The following MAPK8IP2 variants were observed in gnomAD, a reference collection of about 807,000 sequenced individuals.
The protein encoded by MAPK8IP2 is mitogen-activated protein kinase 8 interacting protein 2.
A neutral mutation model predicts 75.6 loss-of-function variants in MAPK8IP2; 15 were observed. The ratio of observed to expected loss-of-function variants is 0.20; its 90% confidence interval spans 0.13 to 0.31. The LOEUF (loss-of-function observed/expected upper bound fraction) is 0.31. MAPK8IP2 is among the 10% of genes least tolerant of loss of function. The pLI, the probability that MAPK8IP2 is intolerant of heterozygous loss-of-function variation, is 1.00. For missense variants in MAPK8IP2, 1,089 were observed against 1,211.2 expected, an observed-to-expected ratio of 0.90 and a Z score of 1.50; for synonymous variants, 632 against 554.5, an observed-to-expected ratio of 1.14 and a Z score of -1.96.
Position 50,600,794 on chromosome 22 carries a change from C to T in MAPK8IP2, c.-25C>T. On this transcript the variant is annotated 5_prime_UTR_variant, in exon 1 of 12. Coordinates refer to ENST00000329492, the MANE Select transcript of MAPK8IP2 (RefSeq NM_012324.6). ...GGCGAGGCTCCCGCACCCCCCGCCG[C>T]AGTCGCGGGCCTCTCCCGGAGAAGA... 2 of 1,208,700 alleles carry T rather than the reference C, an allele frequency of 1.7e-6. No individual in the cohort carries two copies. Among genetic ancestry groups the T allele is most frequent in the Non-Finnish European group, 1.1e-6 (1 of 942,206 alleles). The allele number at this position is 1,208,700 out of a possible 1,614,324, so 74.9% of individuals were successfully genotyped here. A position where few individuals can be genotyped will look rare whatever the true frequency, so the allele number is the denominator to read the frequency against.
chr22:50,601,582 C>T (rs1309701257), intron 1 of MAPK8IP2: 1 of 543,490 alleles, frequency 1.8e-6, no homozygotes, highest in East Asian at 3.0e-5. Context: ...GTTGGCTCCT[C>T]CGGGCAGGCC....
chr22:50,605,328 CTCCCTGTCTCCCCCG>C (rs1393053923), intron 5 of MAPK8IP2, 25 bp from the exon 6 acceptor site: 1 of 1,584,422 alleles, frequency 6.3e-7, no homozygotes, highest in Non-Finnish European at 8.6e-7. Flanking sequence ...CTGACTCTGT[CTCCCTGTCTCCCCCG>C]CCTCTGTCCT....
Position 50,610,715 on chromosome 22 carries a change from T to A in MAPK8IP2, c.2411T>A (p.Phe804Tyr). The change falls in exon 12 of 12, where the codon TTC becomes TAC. Residue 804 changes from phenylalanine (F) to tyrosine (Y), a missense_variant. Around this residue, in one of 2 missense-constraint regions of MAPK8IP2, gnomAD observed 129 missense variants for 201.7 expected, o/e 0.64. Coordinates refer to ENST00000329492, the MANE Select transcript of MAPK8IP2 (RefSeq NM_012324.6). This position sits in a 1 kb window ranked among gnomAD's most constrained non-coding sequence, Gnocchi z 4.3. Reference protein sequence around the residue: ...RPVAQSVGRAFLEYYQEHLAY... With the variant: ...RPVAQSVGRAYLEYYQEHLAY... ...GGACCGTCTTTCCCCAGCCGCGCCT[T>A]CCTGGAGTACTACCAAGAGCACCTG... 6.2e-7 allele frequency: 1 copy of A among 1,607,938 alleles called. No homozygotes were observed.
In MAPK8IP2 at chr22:50,605,579, C is replaced by G. The variant is rs771322110; in HGVS notation, c.1859C>G (p.Pro620Arg). The G allele has an allele frequency of 6.3e-7, 1 of 1,592,958 alleles. No individual in the cohort carries two copies. The highest frequency in any genetic ancestry group is 1.1e-5 in the South Asian group (1 of 88,460). Reference sequence around the variant, plus strand: ...AACGGCAGGTTCATCCCGCGGCATCCAGACGAGCTGGAGCTGGATGTGGAT... The same window carrying G: ...AACGGCAGGTTCATCCCGCGGCATCGAGACGAGCTGGAGCTGGATGTGGAT... ...RAVFRFIPRHPDELELDVDDP... is the reference protein window; with the variant it reads ...RAVFRFIPRHRDELELDVDDP... Residue 620 changes from proline (P) to arginine (R), a missense_variant, in exon 7 of 12, where the codon CCA becomes CGA. Transcript: ENST00000329492.
chr22:50,604,624 C>G lies in MAPK8IP2; in HGVS notation c.1325C>G (p.Thr442Arg). 1 of 1,512,986 alleles carries G rather than the reference C, an allele frequency of 6.6e-7. No individual in the cohort carries two copies. The highest frequency in any genetic ancestry group is 8.8e-7 in the Non-Finnish European group (1 of 1,137,230). 93.7% of individuals were successfully genotyped at this position (1,512,986 alleles called of 1,614,324 possible). The change falls in exon 5 of 12, where the codon ACG becomes AGG. Residue 442 changes from threonine to arginine, a missense_variant. Thr to Arg is a moderately conservative substitution (Grantham distance 71). Coordinates refer to ENST00000329492, the MANE Select transcript of MAPK8IP2 (RefSeq NM_012324.6). ...CCCTGCCTATTCCTCAGCAACCCCA[C>G]GCGTGACACCATCACGCCGCTGTGG... ...PGPCLFLSNP[T>R]RDTITPLWAA...
At position 50,604,253 on chromosome 22, in the gene MAPK8IP2, C is replaced by T; in HGVS notation, c.954C>T (p.Ala318=). The T allele has an allele frequency of 6.4e-7, 1 of 1,567,438 alleles. No homozygotes were observed. Among genetic ancestry groups the T allele is most frequent in the Non-Finnish European group, 8.6e-7 (1 of 1,164,858 alleles). Residue 318 remains alanine, a synonymous_variant, in exon 5 of 12, where the codon GCC becomes GCT. Transcript: ENST00000329492. The part of the protein sequence containing the change: ...EPPREPPRRP[A]FLPVGPDDTN... ...CGCGCGAACCCCCGCGCCGCCCCGC[C>T]TTCCTGCCCGTGGGCCCCGACGACA...
intron 10 of MAPK8IP2, among the ~76,000 whole-genome samples, chr22:50,608,016 A>G (rs1164250935): frequency 1.3e-5 from 2 of 152,142 alleles, no homozygotes; most frequent in Non-Finnish European, 2.9e-5. Context: ...GAGGCTGGAA[A>G]GGACTTGCGG....
At chr22:50,605,780 C>A in intron 7 of MAPK8IP2, 45 bp from the exon 8 acceptor site, 1 of 1,598,416 alleles carries the variant, frequency 6.3e-7, no homozygotes. Context: ...CAGATCCTCC[C>A]CTGTGCCCCT....
At chr22:50,606,790 C>G (rs753249492) in intron 9 of MAPK8IP2, 25 bp downstream of exon 9, 1 of 1,560,954 alleles carries the variant, frequency 6.4e-7, no homozygotes, top group Non-Finnish European at 8.7e-7. Context: ...GACTGGGGAC[C>G]GGGGACTGGG....
chr22:50,609,091 C>T (rs1403828286), intron 10 of MAPK8IP2, among the ~76,000 whole-genome samples: 2 of 152,114 alleles, frequency 1.3e-5, no homozygotes, highest in African/African-American at 4.8e-5. Context: ...TCACCCCAGA[C>T]CCCCCGTCCC....
chr22:50,604,946 G>T lies in MAPK8IP2; in HGVS notation c.1647G>T (p.Ala549=). Residue 549 remains alanine, a synonymous_variant, in exon 5 of 12, where the codon GCG becomes GCT. Coordinates refer to ENST00000329492, the MANE Select transcript of MAPK8IP2 (RefSeq NM_012324.6). ...DSGGEASEEE[A]GAALLGGGQV... ...GCGGGGAGGCCAGCGAGGAGGAGGCGGGCGCGGCGCTGCTAGGCGGCGGTC... is the reference window on the plus strand; with the variant it reads ...GCGGGGAGGCCAGCGAGGAGGAGGCTGGCGCGGCGCTGCTAGGCGGCGGTC... 1 of 1,611,174 alleles carries T rather than the reference G, an allele frequency of 6.2e-7. No individual in the cohort carries two copies.
Position 50,604,375 on chromosome 22 carries a change from T to C in MAPK8IP2, c.1076T>C (p.Ile359Thr), listed in dbSNP as rs748892425. 2.0e-6 allele frequency: 3 copies of C among 1,530,882 alleles called. No homozygotes were observed. The highest frequency in any genetic ancestry group is 2.4e-5 in the South Asian group (2 of 83,656). The allele number at this position is 1,530,882 out of a possible 1,614,324, so 94.8% of individuals were successfully genotyped here. The change falls in exon 5 of 12, where the codon ATC becomes ACC. Residue 359 changes from isoleucine to threonine, a missense_variant. Transcript: ENST00000329492. The part of the protein sequence containing the change: ...WLLSNLVSRM[I>T]SEGSSPIRCP... Reference sequence around the variant, plus strand: ...CTCAGCAACCTGGTGAGCCGCATGATCTCCGAGGGCTCCTCGCCCATCCGC... The same window carrying C: ...CTCAGCAACCTGGTGAGCCGCATGACCTCCGAGGGCTCCTCGCCCATCCGC...
chr22:50,606,728 G>T lies in MAPK8IP2; in HGVS notation c.2195G>T (p.Arg732Leu). The T allele has an allele frequency of 6.3e-7, 1 of 1,589,666 alleles. No individual in the cohort carries two copies. The highest frequency in any genetic ancestry group is 8.6e-7 in the Non-Finnish European group (1 of 1,168,240). Residue 732 changes from arginine to leucine, a missense_variant, in exon 9 of 12, where the codon CGG becomes CTG. Physicochemically the swap from Arg to Leu is moderately radical, Grantham distance 102. Transcript: ENST00000329492. Reference protein sequence around the residue: ...PASCDLEISLRGVKLSLSGGG... With the variant: ...PASCDLEISLLGVKLSLSGGG... ...TCCTGTGACCTCGAGATCTCTCTTC[G>T]GGGGGTCAAGCTGAGTCTGAGCGGA...
In MAPK8IP2 at chr22:50,600,852, A is replaced by G. The variant is rs781619877; in HGVS notation, c.34A>G (p.Thr12Ala). ...TCGCGCGGAGATGTTTTCTCTCTCC[A>G]CCTTCCACTCGCTGTCGCCGCCGGG... The part of the protein sequence containing the change: ...ADRAEMFSLS[T>A]FHSLSPPGCR... Residue 12 changes from threonine to alanine, a missense_variant, in exon 1 of 12, where the codon ACC becomes GCC. Thr to Ala is a moderately conservative substitution (Grantham distance 58). Transcript: ENST00000329492. 2 of 1,305,918 alleles carry G rather than the reference A, an allele frequency of 1.5e-6. No individual in the cohort carries two copies. The highest frequency in any genetic ancestry group is 1.1e-4 in the East Asian group (2 of 18,490). The allele number at this position is 1,305,918 out of a possible 1,614,324, so 80.9% of individuals were successfully genotyped here.
rs887761313 is a variant in MAPK8IP2, at chr22:50,610,038, G to A, written c.2304-174G>A. 1.4e-6 allele frequency: 1 copy of A among 728,094 alleles called. No individual in the cohort carries two copies. The highest frequency in any genetic ancestry group is 2.5e-6 in the Non-Finnish European group (1 of 399,724). The allele number at this position is 728,094 out of a possible 1,614,324, so 45.1% of individuals were successfully genotyped here. ...TTGGTAGGTGCCCAGCCCTGTGCTT[G>A]GGCTGAAACCAAAAAAAGACAACTT... On this transcript the variant is annotated intron_variant, in intron 10 of 11. Transcript: ENST00000329492. The surrounding 1 kb of genome is among the most constrained non-coding windows in gnomAD (Gnocchi z 4.3).
chr22:50,606,395 GCTCCTGA>G, intron 8 of MAPK8IP2, among the ~76,000 whole-genome samples: 1 of 152,262 alleles, frequency 6.6e-6, no homozygotes, highest in African/African-American at 2.4e-5. Flanking sequence ...TCTGTTCCTG[GCTCCTGA>G]GCCAAGCGCA....
chr22:50,612,953 C>CGGCTGTTG lies in MAPK8IP2; in HGVS notation c.*2176_*2183dup, dbSNP rs2071175009. 1 of 53,834 alleles carries CGGCTGTTG rather than the reference C, an allele frequency of 1.9e-5. No individual in the cohort carries two copies. Among genetic ancestry groups the CGGCTGTTG allele is most frequent in the African/African-American group, 8.1e-5 (1 of 12,422 alleles). The allele number at this position is 53,834 out of a possible 1,614,324, so 3.3% of individuals were successfully genotyped here. On this transcript the variant is annotated 3_prime_UTR_variant, in exon 12 of 12. Coordinates refer to ENST00000329492, the MANE Select transcript of MAPK8IP2 (RefSeq NM_012324.6). ...CTTTCCCTCCAGCCGGCCCTTAGGACGGCTGTTGGACGTGCTCGTGAGTCC... is the reference window on the plus strand; with the variant it reads ...CTTTCCCTCCAGCCGGCCCTTAGGACGGCTGTTGGGCTGTTGGACGTGCTCGTGAGTCC...
rs2071021732 is a variant in MAPK8IP2 at position 50,604,953 on chromosome 22, G to A, written c.1654G>A (p.Ala552Thr). The A allele has an allele frequency of 6.2e-7, 1 of 1,611,708 alleles. No individual in the cohort carries two copies. The highest frequency in any genetic ancestry group is 1.1e-5 in the South Asian group (1 of 91,036). The change falls in exon 5 of 12, where the codon GCG becomes ACG. Residue 552 changes from alanine to threonine, a missense_variant. This residue lies in a region of MAPK8IP2 where 960 missense variants were observed against 1,009.6 expected (regional missense o/e 0.95). Transcript: ENST00000329492. ...GGCCAGCGAGGAGGAGGCGGGCGCG[G>A]CGCTGCTAGGCGGCGGTCAGGTCTC... ...GEASEEEAGA[A>T]LLGGGQVSGD...
At position 50,601,773 on chromosome 22, in the gene MAPK8IP2, C is replaced by G; in HGVS notation, c.66-16C>G. ...GTCCAGGGTTGGTGGCTCTCTGACC[C>G]TGGTCTCCTTTCCAGGCCTCCCCAG... On this transcript the variant is annotated splice_polypyrimidine_tract_variant and intron_variant, in intron 1 of 11. Transcript: ENST00000329492. 1 of 1,608,344 alleles carries G rather than the reference C, an allele frequency of 6.2e-7. No homozygotes were observed. Among genetic ancestry groups the G allele is most frequent in the Non-Finnish European group, 8.5e-7 (1 of 1,175,432 alleles).
Sources: gnomAD v4.1 joint callset for allele counts (sites outside exome capture counted in the v4.1 genomes callset) on GRCh38, gnomAD v4.1.1 for gene constraint, gnomAD v4.1.1 regional missense constraint, Gnocchi (gnomAD v3.1) non-coding constraint, MANE v1.5 for transcripts, NCBI Gene and HGNC (gene_info 2026-07-23, HGNC 2026-07-21) for gene names.